GARNL3: variants seen among roughly 807,000 people sequenced by gnomAD.
GARNL3 encodes the protein GTPase activating Rap/RanGAP domain like 3.
Under a neutral mutation model 125.0 loss-of-function variants are expected in GARNL3, and 63 were observed. That is an observed-to-expected ratio of 0.50 (90% confidence interval 0.41 to 0.62). The LOEUF is 0.62. GARNL3 is among the 20% of genes least tolerant of loss of function. The pLI is 0.00. For missense variants in GARNL3, 994 were observed against 1,244.0 expected, an observed-to-expected ratio of 0.80 and a Z score of 3.02; for synonymous variants, 439 against 457.5, an observed-to-expected ratio of 0.96 and a Z score of 0.52.
chr9:127,303,473 C>T (rs1453079636), intron 2 of GARNL3, among the ~76,000 whole-genome samples: 1 of 152,026 alleles, frequency 6.6e-6, no homozygotes, highest in African/African-American at 2.4e-5. Context: ...AAGATTTTAA[C>T]CTTTGTGTAG....
At chr9:127,241,722 G>A (rs1487258084) in intron 1 of GARNL3, among the ~76,000 whole-genome samples, 1 of 151,912 alleles carries the variant, frequency 6.6e-6, no homozygotes, top group African/African-American at 2.4e-5. Flanking sequence ...ATTAGGCACA[G>A]GTCATTAGAG....
rs1253085182 is a variant in GARNL3, at chr9:127,242,587, T to A, written c.-28-492T>A. On this transcript the variant is annotated intron_variant, in intron 1 of 10. Coordinates refer to the GARNL3 transcript ENST00000439286. This position sits in a 1 kb window ranked among gnomAD's most constrained non-coding sequence, Gnocchi z 4.6. ...ACTATCTGCTATTACTCTTGAACTG[T>A]GGGCTTTAGTCCTTGTCTCCAGTGT... 6.6e-6 allele frequency among the ~76,000 whole-genome samples: 1 copy of A among 152,238 alleles called. No homozygotes were observed. Among genetic ancestry groups the A allele is most frequent in the Non-Finnish European group, 1.5e-5 (1 of 68,040 alleles).
At position 127,392,273 on chromosome 9, in the gene GARNL3, C is replaced by A. The variant is rs529943391; in HGVS notation, c.2871-810C>A. Among the ~76,000 whole-genome samples the A allele has an allele frequency of 3.2e-4, 49 of 152,336 alleles. No individual in the cohort carries two copies. The highest frequency in any genetic ancestry group is 1.1e-3 in the African/African-American group (46 of 41,580). ...CTGTAAACAAGTAAGCAAATAAAATCATTTCAAATAGTGACAAGTGCTACA... is the reference window on the plus strand; with the variant it reads ...CTGTAAACAAGTAAGCAAATAAAATAATTTCAAATAGTGACAAGTGCTACA... On this transcript the variant is annotated intron_variant, in intron 27 of 27. Coordinates refer to ENST00000373387, the MANE Select transcript of GARNL3 (RefSeq NM_032293.5). The surrounding 1 kb of genome is among the most constrained non-coding windows in gnomAD (Gnocchi z 5.2).
intron 6 of GARNL3, among the ~76,000 whole-genome samples, chr9:127,321,167 C>T (rs1438679910): frequency 2.0e-5 from 3 of 152,088 alleles, no homozygotes; most frequent in Non-Finnish European, 4.4e-5. Flanking sequence ...GAGTTTCACT[C>T]TTGTGGCCCA....
At chr9:127,311,607 C>T (rs959036818) in intron 2 of GARNL3, 29 bp from the exon 3 acceptor site, 1 of 1,488,232 alleles carries the variant, frequency 6.7e-7, no homozygotes, top group Non-Finnish European at 9.4e-7. Context: ...GAATAAGCCT[C>T]TTAATGTCAC....
chr9:127,354,077 G>A (rs1393734980), intron 18 of GARNL3, 133 bp downstream of exon 18: 2 of 715,708 alleles, frequency 2.8e-6, no homozygotes, highest in Admixed American at 2.5e-5. Context: ...TCAGTGCTTG[G>A]GATCCCTCAG....
chr9:127,313,331 A>C, intron 3 of GARNL3, 110 bp from the exon 4 acceptor site: 1 of 791,024 alleles, frequency 1.3e-6, no homozygotes, highest in South Asian at 1.4e-5. Flanking sequence ...CTTTGGGATT[A>C]TTGTTCCCTG....
In GARNL3 at chr9:127,289,982, G is replaced by A. The variant is rs146628425; in HGVS notation, c.145-1186G>A. Among the ~76,000 whole-genome samples, 21 of 152,302 alleles carry A rather than the reference G, an allele frequency of 1.4e-4. No individual in the cohort carries two copies. The East Asian group carries it at 3.7e-3, about 27-fold the overall frequency. On this transcript the variant is annotated intron_variant, in intron 1 of 27. Transcript: ENST00000373387. Reference sequence around the variant, plus strand: ...AGGGTGGTGGTTAGATGAGGACAATGGGTTTCTGGGGTCTGGCTACCTCTG... The same window carrying A: ...AGGGTGGTGGTTAGATGAGGACAATAGGTTTCTGGGGTCTGGCTACCTCTG...
chr9:127,378,587 C>CAAAAAAAAAAAAAAAAAAAAAAAAAA, intron 22 of GARNL3, among the ~76,000 whole-genome samples: 1 of 104,084 alleles, frequency 9.6e-6, no homozygotes, highest in Non-Finnish European at 2.0e-5. Context: ...AACTCCGTCA[C>CAAAAAAAAAAAAAAAAAAAAAAAAAA]AAAAAAAAAA....
At chr9:127,363,200 G>A (rs932656276) in intron 21 of GARNL3, 1 of 152,250 alleles carries the variant, frequency 6.6e-6, no homozygotes, top group African/African-American at 2.4e-5. Context: ...CATGATAGGA[G>A]CCATGGGGAT....
At chr9:127,289,903 A>G (rs1371852843) in intron 1 of GARNL3, among the ~76,000 whole-genome samples, 5 of 152,228 alleles carry the variant, frequency 3.3e-5, no homozygotes, top group Admixed American at 3.3e-4. Flanking sequence ...CAGGAGAAAG[A>G]TGAAATATAA....
intron 20 of GARNL3, among the ~76,000 whole-genome samples, chr9:127,356,686 T>TATGTATATTTATGTAC (rs1304302278): frequency 6.6e-6 from 1 of 152,238 alleles, no homozygotes. Context: ...ACATGCAGCA[T>TATGTATATTTATGTAC]ATACATTTAT....
chr9:127,258,496 G>A (rs970127400), intron 2 of GARNL3, among the ~76,000 whole-genome samples: 28 of 152,044 alleles, frequency 1.8e-4, no homozygotes, highest in African/African-American at 5.3e-4. Context: ...AAAATTAGCC[G>A]GGTGTGGTGG....
At chr9:127,263,628 C>A, upstream of GARNL3, 2 of 982,832 alleles carry the variant, frequency 2.0e-6, no homozygotes, top group African/African-American at 1.7e-5. Context: ...GGTTTTTATT[C>A]TTTTTTGGAG....
At chr9:127,348,892 A>G (rs764409276) in intron 16 of GARNL3, 32 bp from the exon 17 acceptor site, 38 of 1,456,988 alleles carry the variant, frequency 2.6e-5, no homozygotes, top group Non-Finnish European at 3.5e-5. Context: ...TTTCTGGTGC[A>G]CTTATCTTCC....
chr9:127,257,751 G>A (rs2063518310), intron 2 of GARNL3, among the ~76,000 whole-genome samples: 1 of 152,202 alleles, frequency 6.6e-6, no homozygotes, highest in African/African-American at 2.4e-5. Flanking sequence ...GCAGGGAGAA[G>A]AGAAAGGGAA....
Position 127,242,965 on chromosome 9 carries a change from C to A in GARNL3, c.-28-114C>A, listed in dbSNP as rs1273439026. 6 of 924,982 alleles carry A rather than the reference C, an allele frequency of 6.5e-6. No homozygotes were observed. Among genetic ancestry groups the A allele is most frequent in the South Asian group, 1.7e-5 (1 of 60,284 alleles). 57.3% of individuals were successfully genotyped at this position (924,982 alleles called of 1,614,324 possible). On this transcript the variant is annotated intron_variant, in intron 1 of 10. Coordinates refer to the GARNL3 transcript ENST00000439286. This position sits in a 1 kb window ranked among gnomAD's most constrained non-coding sequence, Gnocchi z 4.6. ...GGGTCTTGAGGGTGCTTCAGTGTCA[C>A]CCTCCTCCTTGCTTACCAGCGGGGC...
chr9:127,293,418 A>G (rs1204906150), intron 2 of GARNL3, among the ~76,000 whole-genome samples: 2 of 152,060 alleles, frequency 1.3e-5, no homozygotes, highest in Non-Finnish European at 2.9e-5. Flanking sequence ...TTATCTTTTC[A>G]CTTTCTTGGT....
chr9:127,381,983 A>C (rs910508528), intron 22 of GARNL3, among the ~76,000 whole-genome samples: 1 of 151,600 alleles, frequency 6.6e-6, no homozygotes, highest in Non-Finnish European at 1.5e-5. Flanking sequence ...TCAGATGTTT[A>C]GTAACATCCA....
Sources: allele counts gnomAD v4.1 joint callset (sites outside exome capture counted in the v4.1 genomes callset), GRCh38; gene constraint gnomAD v4.1.1; non-coding constraint Gnocchi (gnomAD v3.1); transcripts MANE v1.5; gene names NCBI Gene and HGNC (gene_info 2026-07-23, HGNC 2026-07-21).